The following SH3RF1 variants were observed in gnomAD, a reference collection of about 807,000 sequenced individuals.
SH3RF1 encodes the protein SH3 domain containing ring finger 1, also known as E3 ubiquitin-protein ligase SH3RF1.
In SH3RF1, 32 loss-of-function variants were observed where a neutral mutation model predicts 74.0. The ratio of observed to expected loss-of-function variants is 0.43; its 90% CI spans 0.33 to 0.58. The LOEUF (loss-of-function observed/expected upper bound fraction) is 0.58. Among genes scored for constraint, SH3RF1 ranks in the 20% least tolerant of loss-of-function variants. The probability of loss-of-function intolerance (pLI) is 0.05; values close to 1 mark genes in which losing one functional copy is unlikely to be tolerated. For synonymous variants in SH3RF1, 396 were observed against 439.6 expected, an observed-to-expected ratio of 0.90 and a Z score of 1.24; for missense variants, 954 against 1,130.9, an observed-to-expected ratio of 0.84 and a Z score of 2.24.
chr4:169,260,714 G>T (rs900378322), intron 2 of SH3RF1, among the ~76,000 whole-genome samples: 1 of 152,082 alleles, frequency 6.6e-6, no homozygotes, highest in African/African-American at 2.4e-5. Flanking sequence ...AATAAATAAG[G>T]ACTGGAGCAA....
chr4:169,144,454 C>A (rs960713267), intron 4 of SH3RF1, among the ~76,000 whole-genome samples: 3 of 152,096 alleles, frequency 2.0e-5, no homozygotes, highest in African/African-American at 7.2e-5. Flanking sequence ...CCTAATGGAG[C>A]CTTTTACTCA....
At chr4:169,154,899 A>T (rs746041101) in intron 4 of SH3RF1, among the ~76,000 whole-genome samples, 5 of 152,150 alleles carry the variant, frequency 3.3e-5, no homozygotes, top group Admixed American at 6.6e-5. Flanking sequence ...CAACTATGTG[A>T]CTACACATAC....
rs1001374552 is a variant in SH3RF1, at chr4:169,153,028, C to T, written c.765+2452G>A. Among the ~76,000 whole-genome samples, 36 of 152,196 alleles carry T rather than the reference C, an allele frequency of 2.4e-4. 1 individual carries two copies. The highest frequency in any genetic ancestry group is 2.4e-3 in the Admixed American group (36 of 15,284). Reference sequence around the variant, plus strand: ...GAGATTCTACTACAGGTCCACAATCCTACCCCAAGGCCCATCCCGTGCAGA... The same window carrying T: ...GAGATTCTACTACAGGTCCACAATCTTACCCCAAGGCCCATCCCGTGCAGA... On this transcript the variant is annotated intron_variant, in intron 4 of 11. Transcript: ENST00000284637.
At chr4:169,185,426 G>GA (rs1734585771) in intron 2 of SH3RF1, among the ~76,000 whole-genome samples, 1 of 152,034 alleles carries the variant, frequency 6.6e-6, no homozygotes, top group Non-Finnish European at 1.5e-5. Flanking sequence ...TAGCTGCCCA[G>GA]AAAAAACAAA....
intron 2 of SH3RF1, among the ~76,000 whole-genome samples, chr4:169,225,123 T>C (rs1466000060): frequency 6.6e-6 from 1 of 152,154 alleles, no homozygotes; most frequent in African/African-American, 2.4e-5. Flanking sequence ...AAGACAAGGT[T>C]AGTGCCAGTT....
intron 2 of SH3RF1, among the ~76,000 whole-genome samples, chr4:169,200,426 C>T (rs1390465908): frequency 6.6e-6 from 1 of 152,056 alleles, no homozygotes; most frequent in Non-Finnish European, 1.5e-5. Context: ...AAAATCTCCA[C>T]AGTTAGAAAA....
At chr4:169,122,410 G>C in intron 6 of SH3RF1, 144 bp from the exon 7 acceptor site, 1 of 922,088 alleles carries the variant, frequency 1.1e-6, no homozygotes, top group Non-Finnish European at 1.6e-6. Context: ...AGAATCAGCA[G>C]GCTAACTGAT....
intron 2 of SH3RF1, among the ~76,000 whole-genome samples, chr4:169,212,001 GAAGT>G (rs1459534510): frequency 6.0e-5 from 9 of 150,564 alleles, no homozygotes; most frequent in Middle Eastern, 3.5e-3. Flanking sequence ...AATAATGTTG[GAAGT>G]AATAAAGGTT....
chr4:169,135,296 G>A (rs1733682702), intron 5 of SH3RF1, among the ~76,000 whole-genome samples: 1 of 152,148 alleles, frequency 6.6e-6, no homozygotes, highest in Non-Finnish European at 1.5e-5. Flanking sequence ...ACTTTTTGAG[G>A]ACCAGGACTG....
At chr4:169,252,307 C>G (rs1731118384) in intron 2 of SH3RF1, among the ~76,000 whole-genome samples, 1 of 152,222 alleles carries the variant, frequency 6.6e-6, no homozygotes, top group Non-Finnish European at 1.5e-5. Flanking sequence ...TTACTTCTCT[C>G]TTTCAAGATT....
intron 2 of SH3RF1, among the ~76,000 whole-genome samples, chr4:169,224,563 C>G (rs1447737639): frequency 6.6e-6 from 1 of 152,214 alleles, no homozygotes; most frequent in Non-Finnish European, 1.5e-5. Flanking sequence ...GGTGATCTGC[C>G]TGCCTCGGCC....
Position 169,156,454 on chromosome 4 carries a change from A to G in SH3RF1, c.619T>C (p.Phe207Leu). Reference sequence around the variant, plus strand: ...TCTGCTTCCTTGTCTTTCACTTCAAAGTCATAAAGTGCTTTGCACTGAGGT... The same window carrying G: ...TCTGCTTCCTTGTCTTTCACTTCAAGGTCATAAAGTGCTTTGCACTGAGGT... ...PPPQCKALYD[F>L]EVKDKEADKD... Residue 207 changes from phenylalanine (F) to leucine (L), a missense_variant, in exon 3 of 12, where the codon TTT becomes CTT. By Grantham distance (22) the Phe-to-Leu change is conservative. Transcript: ENST00000284637. 2 of 1,603,890 alleles carry G rather than the reference A, an allele frequency of 1.2e-6. No homozygotes were observed. The highest frequency in any genetic ancestry group is 1.1e-5 in the South Asian group (1 of 90,300).
In SH3RF1 at chr4:169,251,707, G is replaced by A. The variant is rs1038812115; in HGVS notation, c.393+17113C>T. On this transcript the variant is annotated intron_variant, in intron 2 of 11. Coordinates refer to ENST00000284637, the MANE Select transcript of SH3RF1 (RefSeq NM_020870.4). ...GAGGAAGATATCAGCAATGCAGAGT[G>A]ACCTCACCTATAAGGAATGCATCAG... Among the ~76,000 whole-genome samples the A allele has an allele frequency of 2.0e-5, 3 of 152,180 alleles. No individual in the cohort carries two copies. The South Asian group carries it at 6.2e-4, about 32-fold the overall frequency.
chr4:169,237,651 T>C (rs1730841450), intron 2 of SH3RF1, among the ~76,000 whole-genome samples: 1 of 152,036 alleles, frequency 6.6e-6, no homozygotes, highest in Non-Finnish European at 1.5e-5. Context: ...CTGCAGTGAG[T>C]TCTGGACAGA....
intron 2 of SH3RF1, among the ~76,000 whole-genome samples, chr4:169,225,933 T>C (rs1730648510): frequency 6.6e-6 from 1 of 152,182 alleles, no homozygotes; most frequent in African/African-American, 2.4e-5. Flanking sequence ...CCTGTTCCTC[T>C]GGCAGATAAG....
At chr4:169,139,305 TG>T (rs1561034197) in intron 4 of SH3RF1, among the ~76,000 whole-genome samples, 1 of 152,184 alleles carries the variant, frequency 6.6e-6, no homozygotes, top group African/African-American at 2.4e-5. Flanking sequence ...TGCAGAGAAA[TG>T]ATCTCTGCCC....
chr4:169,155,220 A>G (rs1734031881), intron 4 of SH3RF1, among the ~76,000 whole-genome samples: 1 of 152,106 alleles, frequency 6.6e-6, no homozygotes, highest in African/African-American at 2.4e-5. Context: ...TAGGTGACTG[A>G]CAATAAGCAT....
At chr4:169,214,310 C>T (rs1461668468) in intron 2 of SH3RF1, among the ~76,000 whole-genome samples, 1 of 152,192 alleles carries the variant, frequency 6.6e-6, no homozygotes, top group East Asian at 1.9e-4. Flanking sequence ...GTAAAAGCTC[C>T]CTGAGGCCTC....
intron 6 of SH3RF1, among the ~76,000 whole-genome samples, chr4:169,124,187 T>C (rs1733487408): frequency 6.6e-6 from 1 of 152,198 alleles, no homozygotes; most frequent in African/African-American, 2.4e-5. Context: ...CTAAGCTCAA[T>C]CTCAAAACAG....
Sources: allele counts gnomAD v4.1 joint callset (sites outside exome capture counted in the v4.1 genomes callset), GRCh38; gene constraint gnomAD v4.1.1; transcripts MANE v1.5; gene names NCBI Gene and HGNC (gene_info 2026-07-23, HGNC 2026-07-21).